The following LIG1 variants were observed in gnomAD, a reference collection of about 807,000 sequenced individuals.
LIG1 encodes the protein ligase I, DNA, ATP-dependent.
In LIG1, 70 loss-of-function variants were observed where a neutral mutation model predicts 115.7. The ratio of observed to expected loss-of-function variants is 0.60; its 90% CI spans 0.50 to 0.74. The LOEUF (loss-of-function observed/expected upper bound fraction) is 0.74. LIG1 is among the 30% of genes least tolerant of loss of function. The pLI, the probability that LIG1 is intolerant of heterozygous loss-of-function variation, is 0.00. For missense variants in LIG1, 1,115 were observed against 1,225.6 expected (o/e 0.91, Z 1.35); for synonymous variants, 487 against 495.3 (o/e 0.98, Z 0.22).
intron 27 of LIG1, 39 bp downstream of exon 27, chr19:48,115,834 A>C: frequency 6.3e-7 from 1 of 1,596,902 alleles, no homozygotes; most frequent in East Asian, 2.2e-5. Flanking sequence ...GGTAGGGCCA[A>C]GCAGCTGGGC....
At chr19:48,135,533 C>T (rs1413939803) in intron 16 of LIG1, 147 bp downstream of exon 16, 2 of 756,228 alleles carry the variant, frequency 2.6e-6, no homozygotes, top group African/African-American at 3.4e-5. Context: ...TCTAGATCAC[C>T]ACCTCTGCTC....
intron 11 of LIG1, among the ~76,000 whole-genome samples, chr19:48,140,521 C>T (rs1162244108): frequency 6.6e-6 from 1 of 152,124 alleles, no homozygotes; most frequent in Admixed American, 6.5e-5. Context: ...TGGAAAAGAC[C>T]CCTTTTTGCC....
intron 2 of LIG1, among the ~76,000 whole-genome samples, chr19:48,164,336 G>A (rs1302024628): frequency 2.6e-5 from 4 of 152,140 alleles, no homozygotes; most frequent in African/African-American, 7.2e-5. Flanking sequence ...AGCCACTACC[G>A]CCCAGGTTTC....
intron 9 of LIG1, among the ~76,000 whole-genome samples, chr19:48,144,331 CAG>C (rs1251335755): frequency 6.6e-6 from 1 of 152,078 alleles, no homozygotes; most frequent in Non-Finnish European, 1.5e-5. Flanking sequence ...GCATTCCAGG[CAG>C]AGAGAATAGC....
chr19:48,143,643 A>G (rs1270552728), intron 10 of LIG1, 44 bp from the exon 11 acceptor site: 2 of 1,525,750 alleles, frequency 1.3e-6, no homozygotes, highest in African/African-American at 1.4e-5. Context: ...GGTGCAGGCT[A>G]TACCATGCTG....
At chr19:48,165,720 ACAG>A in intron 1 of LIG1, 97 bp from the exon 2 acceptor site, 3 of 967,534 alleles carry the variant, frequency 3.1e-6, no homozygotes, top group Non-Finnish European at 4.8e-6. Flanking sequence ...AAAAAAAAAA[ACAG>A]AAACATGAAT....
intron 16 of LIG1, among the ~76,000 whole-genome samples, chr19:48,135,317 T>C (rs2034309207): frequency 6.6e-6 from 1 of 152,176 alleles, no homozygotes; most frequent in African/African-American, 2.4e-5. Flanking sequence ...GAGACAGGGT[T>C]TCACCATGTT....
intron 21 of LIG1, 184 bp downstream of exon 21, chr19:48,127,093 C>T (rs1476770021): frequency 1.6e-6 from 1 of 617,356 alleles, no homozygotes; most frequent in Non-Finnish European, 2.9e-6. Flanking sequence ...TTGAAGATGT[C>T]CTTGAAAGAA....
chr19:48,161,244 C>G, intron 4 of LIG1, 128 bp downstream of exon 4: 1 of 1,391,230 alleles, frequency 7.2e-7, no homozygotes, highest in South Asian at 1.2e-5. Context: ...CCGACACAAC[C>G]AGGAAACACA....
chr19:48,133,752 C>G (rs41555716), intron 17 of LIG1, among the ~76,000 whole-genome samples: 2 of 152,142 alleles, frequency 1.3e-5, no homozygotes, highest in African/African-American at 4.8e-5. Context: ...CACGCCACCA[C>G]GCCCGGCTCC....
chr19:48,158,010 T>A (rs1330067626), intron 4 of LIG1, among the ~76,000 whole-genome samples: 1 of 152,198 alleles, frequency 6.6e-6, no homozygotes, highest in Non-Finnish European at 1.5e-5. Context: ...CTTCCTCTCC[T>A]GGTTCACATG....
In LIG1 at chr19:48,137,888, G is replaced by T. The variant is rs921792028; in HGVS notation, c.1088-200C>A. On this transcript the variant is annotated intron_variant, in intron 12 of 27. Coordinates refer to ENST00000263274, the MANE Select transcript of LIG1 (RefSeq NM_000234.3). This position sits in a 1 kb window ranked among gnomAD's most constrained non-coding sequence, Gnocchi z 4.3. The stretch of plus-strand genomic sequence containing the variant: ...CAGCCACGCTGGCTGTAGGAAGTCA[G>T]CAAACATGCACGTGGAGCCAGGAAA... The T allele has an allele frequency of 6.8e-5, 44 of 649,086 alleles. No individual in the cohort carries two copies. Among genetic ancestry groups the T allele is most frequent in the Non-Finnish European group, 1.1e-4 (41 of 366,412 alleles). The allele number at this position is 649,086 out of a possible 1,614,324, so 40.2% of individuals were successfully genotyped here. A position where few individuals can be genotyped will look rare whatever the true frequency, so the allele number is the denominator to read the frequency against.
chr19:48,147,922 G>C (rs1183801963), intron 9 of LIG1, among the ~76,000 whole-genome samples: 1 of 152,188 alleles, frequency 6.6e-6, no homozygotes, highest in African/African-American at 2.4e-5. Context: ...TAGGCAAGAA[G>C]ACTAAGAAGG....
intron 3 of LIG1, 30 bp downstream of exon 3, chr19:48,162,232 A>C (rs774246623): frequency 6.3e-7 from 1 of 1,582,074 alleles, no homozygotes; most frequent in South Asian, 1.1e-5. Flanking sequence ...TAAAGGAAAA[A>C]ATTCACCATA....
intron 21 of LIG1, chr19:48,123,534 G>A (rs960813552): frequency 3.3e-6 from 2 of 604,716 alleles, no homozygotes; most frequent in South Asian, 1.9e-5. Context: ...ATTTAGAGTC[G>A]GTGACTTCAG....
At chr19:48,156,233 C>T (rs2035827812) in intron 5 of LIG1, among the ~76,000 whole-genome samples, 1 of 152,192 alleles carries the variant, frequency 6.6e-6, no homozygotes, top group African/African-American at 2.4e-5. Flanking sequence ...GCATGCTCCC[C>T]TCCTCCTTTG....
At chr19:48,156,656 C>A (rs975419458) in intron 5 of LIG1, among the ~76,000 whole-genome samples, 1 of 152,058 alleles carries the variant, frequency 6.6e-6, no homozygotes, top group Admixed American at 6.6e-5. Flanking sequence ...GAAAGGCAGG[C>A]GACTGGCTGG....
intron 2 of LIG1, among the ~76,000 whole-genome samples, chr19:48,163,108 G>A (rs1329177977): frequency 6.6e-6 from 1 of 151,192 alleles, no homozygotes. Context: ...GGTAGACACG[G>A]GTTTTCTCCA....
At position 48,161,352 on chromosome 19, in the gene LIG1, G is replaced by C; in HGVS notation, c.243+20C>G. On this transcript the variant is annotated intron_variant, in intron 4 of 27. Transcript: ENST00000263274. ...AATTAGTTTCTTCTGGTAAAAATGG[G>C]CAGGGTGATGGGGACCTACCTGGCC... is the stretch of plus-strand genomic sequence containing the variant. 1 of 1,614,098 alleles carries C rather than the reference G, an allele frequency of 6.2e-7. No homozygotes were observed. The highest frequency in any genetic ancestry group is 8.5e-7 in the Non-Finnish European group (1 of 1,179,966).
Sources: allele counts gnomAD v4.1 joint callset (sites outside exome capture counted in the v4.1 genomes callset), GRCh38; gene constraint gnomAD v4.1.1; non-coding constraint Gnocchi (gnomAD v3.1); transcripts MANE v1.5; gene names NCBI Gene and HGNC (gene_info 2026-07-23, HGNC 2026-07-21).